The following PGAP1 variants were observed in gnomAD, a reference collection of about 807,000 sequenced individuals.
PGAP1 encodes the protein GPI inositol-deacylase.
PGAP1 carries 76 observed loss-of-function variants against 127.0 expected under a neutral mutation model. The observed-to-expected ratio is 0.60, with a 90% CI of 0.50 to 0.72. The LOEUF (loss-of-function observed/expected upper bound fraction) is 0.72. Among genes scored for constraint, PGAP1 ranks in the 30% least tolerant of loss-of-function variants. PGAP1 has a pLI of 0.00. For missense variants in PGAP1, 982 were observed against 1,071.3 expected (o/e 0.92, Z 1.16); for synonymous variants, 362 against 366.5 (o/e 0.99, Z 0.14).
At chr2:196,877,000 T>C (rs1307891142) in intron 13 of PGAP1, among the ~76,000 whole-genome samples, 4 of 152,070 alleles carry the variant, frequency 2.6e-5, no homozygotes, top group Non-Finnish European at 5.9e-5. Context: ...TACAAAGTAC[T>C]TTTGGATAAG....
Position 196,865,076 on chromosome 2 carries a change from A to C in PGAP1, c.1772T>G (p.Val591Gly). 3 of 1,547,122 alleles carry C rather than the reference A, an allele frequency of 1.9e-6. No homozygotes were observed. Among genetic ancestry groups the C allele is most frequent in the Non-Finnish European group, 2.6e-6 (3 of 1,151,838 alleles). The change falls in exon 20 of 27, where the codon GTT (valine) becomes GGT (glycine). Residue 591 changes from valine (V) to glycine (G), a missense_variant. Val to Gly is a moderately radical substitution (Grantham distance 109). Coordinates refer to ENST00000354764, the MANE Select transcript of PGAP1 (RefSeq NM_024989.4). ...TSFSQILGQVVRFHGGALPAY... is the reference protein window; with the variant it reads ...TSFSQILGQVGRFHGGALPAY... ...AGGAAGAGCTCCACCATGAAATCTA[A>C]CTACCTAAAAAACAGGTAAGTCAAT...
intron 13 of PGAP1, among the ~76,000 whole-genome samples, chr2:196,877,335 T>A (rs1045315739): frequency 6.6e-6 from 1 of 152,144 alleles, no homozygotes; most frequent in Non-Finnish European, 1.5e-5. Flanking sequence ...GTTCTGATGA[T>A]GAGCTATACA....
chr2:196,876,592 T>G (rs975345033), intron 13 of PGAP1, among the ~76,000 whole-genome samples: 1 of 152,038 alleles, frequency 6.6e-6, no homozygotes, highest in Non-Finnish European at 1.5e-5. Context: ...ATCTCTACAA[T>G]GCAATCATAT....
At chr2:196,903,671 C>T (rs537477073) in intron 4 of PGAP1, among the ~76,000 whole-genome samples, 33 of 152,116 alleles carry the variant, frequency 2.2e-4, no homozygotes, top group Non-Finnish European at 4.3e-4. Context: ...TGGACAATAC[C>T]ATTGACATTA....
At chr2:196,877,909 A>G (rs1162043940) in intron 13 of PGAP1, among the ~76,000 whole-genome samples, 1 of 152,174 alleles carries the variant, frequency 6.6e-6, no homozygotes, top group African/African-American at 2.4e-5. Context: ...ACTGAGACAT[A>G]AATAAATTAT....
At position 196,880,125 on chromosome 2, in the gene PGAP1, G is replaced by A; in HGVS notation, c.1301C>T (p.Pro434Leu). 1 of 1,588,968 alleles carries A rather than the reference G, an allele frequency of 6.3e-7. No individual in the cohort carries two copies. The highest frequency in any genetic ancestry group is 8.6e-7 in the Non-Finnish European group (1 of 1,167,290). Reference protein sequence around the residue: ...KYLTLRLQDYPSLSHLVVYVP... With the variant: ...KYLTLRLQDYLSLSHLVVYVP... ...ATAAACAACAAGATGAGACAAAGAT[G>A]GATAGTCTTGAAGTCTTAATGTCAG... The change falls in exon 13 of 27, where the codon CCA (proline) becomes CTA (leucine). Residue 434 changes from proline to leucine, a missense_variant. Physicochemically the swap from Pro to Leu is moderately conservative, Grantham distance 98. Coordinates refer to ENST00000354764, the MANE Select transcript of PGAP1 (RefSeq NM_024989.4).
intron 20 of PGAP1, among the ~76,000 whole-genome samples, chr2:196,859,853 C>A (rs920357872): frequency 1.2e-4 from 18 of 151,906 alleles, no homozygotes; most frequent in Non-Finnish European, 2.4e-4. Flanking sequence ...ATAAAAAGAA[C>A]ATACCTCAAA....
intron 1 of PGAP1, among the ~76,000 whole-genome samples, chr2:196,923,555 C>T (rs934693313): frequency 1.3e-5 from 2 of 152,174 alleles, no homozygotes; most frequent in African/African-American, 4.8e-5. Flanking sequence ...CTTTCACCTA[C>T]ACCAAGTAGC....
At chr2:196,875,935 G>GT in intron 13 of PGAP1, 114 bp from the exon 14 acceptor site, 1 of 598,646 alleles carries the variant, frequency 1.7e-6, no homozygotes, top group South Asian at 2.0e-5. Flanking sequence ...TTTGGAGAAA[G>GT]TATCATCTAT....
intron 12 of PGAP1, among the ~76,000 whole-genome samples, chr2:196,881,260 C>T (rs1701721819): frequency 6.6e-6 from 1 of 152,096 alleles, no homozygotes. Flanking sequence ...TTTCTTTATC[C>T]AGTCTACTAT....
At chr2:196,896,158 A>G (rs1397912222) in intron 7 of PGAP1, among the ~76,000 whole-genome samples, 1 of 152,218 alleles carries the variant, frequency 6.6e-6, no homozygotes, top group African/African-American at 2.4e-5. Flanking sequence ...AAAGGATACT[A>G]TGATTTCCAT....
At chr2:196,864,521 A>T (rs1034448889) in intron 20 of PGAP1, among the ~76,000 whole-genome samples, 5 of 152,040 alleles carry the variant, frequency 3.3e-5, no homozygotes. Flanking sequence ...TTATTATATG[A>T]AGATAATTAC....
In PGAP1 at chr2:196,840,372, C is replaced by G. The variant is rs888966028; in HGVS notation, c.*862G>C. The stretch of plus-strand genomic sequence containing the variant: ...AACCACTGGAATTTAGTTATTTTAA[C>G]AATCCATTATGACCTCAGGCACTTT... On this transcript the variant is annotated 3_prime_UTR_variant, in exon 27 of 27. Transcript: ENST00000354764. The G allele has an allele frequency of 1.3e-5, 2 of 151,962 alleles. No homozygotes were observed. Among genetic ancestry groups the G allele is most frequent in the African/African-American group, 4.8e-5 (2 of 41,372 alleles). The allele number at this position is 151,962 out of a possible 1,614,324, so 9.4% of individuals were successfully genotyped here.
In PGAP1 at chr2:196,833,975, ATAC is replaced by A. The variant is rs1700166278; in HGVS notation, c.*7256_*7258del. 1.3e-5 allele frequency: 2 copies of A among 152,060 alleles called. No homozygotes were observed. Among genetic ancestry groups the A allele is most frequent in the African/African-American group, 2.4e-5 (1 of 41,444 alleles). The allele number at this position is 152,060 out of a possible 1,614,324, so 9.4% of individuals were successfully genotyped here. Reference sequence around the variant, plus strand: ...ATGAGAGGAAATAATGTTTTAAAATATACTACATGAATGAGTTTATTAATTATT... The same window carrying A: ...ATGAGAGGAAATAATGTTTTAAAATATACATGAATGAGTTTATTAATTATT... On this transcript the variant is annotated 3_prime_UTR_variant, in exon 27 of 27. Coordinates refer to ENST00000354764, the MANE Select transcript of PGAP1 (RefSeq NM_024989.4).
chr2:196,875,415 G>C (rs982867563), intron 14 of PGAP1, among the ~76,000 whole-genome samples: 1 of 152,070 alleles, frequency 6.6e-6, no homozygotes, highest in South Asian at 2.1e-4. Context: ...AATATTTAGA[G>C]AAATCTTGAA....
In PGAP1 at chr2:196,850,857, C is replaced by T. The variant is rs138963191; in HGVS notation, c.1862-2820G>A. Among the ~76,000 whole-genome samples, 799 of 152,174 alleles carry T rather than the reference C, an allele frequency of 5.3e-3. 4 individuals are homozygous for T. The highest frequency in any genetic ancestry group is 8.4e-3 in the Non-Finnish European group (573 of 68,000). On this transcript the variant is annotated intron_variant, in intron 20 of 26. Transcript: ENST00000354764. ...AGAAGTATACATATTATGAACGATTCTTGCAGCAGCAGCAGCAAAAAAAGA... is the reference window on the plus strand; with the variant it reads ...AGAAGTATACATATTATGAACGATTTTTGCAGCAGCAGCAGCAAAAAAAGA...
At position 196,913,360 on chromosome 2, in the gene PGAP1, T is replaced by C. The variant is rs534599097; in HGVS notation, c.478-307A>G. On this transcript the variant is annotated intron_variant, in intron 3 of 26. Coordinates refer to ENST00000354764, the MANE Select transcript of PGAP1 (RefSeq NM_024989.4). ...ATGTAATGTGAGGAGTAATTATATT[T>C]GGTATATACCAGATTATTAGGTTTT... is the stretch of plus-strand genomic sequence containing the variant. Among the ~76,000 whole-genome samples, 6 of 152,350 alleles carry C rather than the reference T, an allele frequency of 3.9e-5. No individual in the cohort carries two copies. The East Asian group carries it at 1.2e-3, about 29-fold the overall frequency.
chr2:196,876,952 G>A (rs1433985379), intron 13 of PGAP1, among the ~76,000 whole-genome samples: 1 of 151,924 alleles, frequency 6.6e-6, no homozygotes, highest in Non-Finnish European at 1.5e-5. Context: ...AAAGATTATA[G>A]CAATCATTTA....
intron 3 of PGAP1, among the ~76,000 whole-genome samples, chr2:196,915,493 C>T (rs1702977666): frequency 6.6e-6 from 1 of 152,226 alleles, no homozygotes; most frequent in African/African-American, 2.4e-5. Context: ...ATCTGTTCCT[C>T]CTGTATTCTT....
Sources: gnomAD v4.1 joint callset for allele counts (sites outside exome capture counted in the v4.1 genomes callset) on GRCh38, gnomAD v4.1.1 for gene constraint, MANE v1.5 for transcripts, NCBI Gene and HGNC (gene_info 2026-07-23, HGNC 2026-07-21) for gene names.